Variants in SLC24A4 observed in about 807,000 individuals in gnomAD.
The protein encoded by SLC24A4 is sodium/potassium/calcium exchanger 4.
In SLC24A4, 53 loss-of-function variants were observed where a neutral mutation model predicts 79.0. The observed-to-expected ratio is 0.67, with a 90% CI of 0.54 to 0.84. The LOEUF (loss-of-function observed/expected upper bound fraction) is 0.84, where lower values mean the gene tolerates loss of function less well. SLC24A4 is among the 40% of genes least tolerant of loss of function. The probability of loss-of-function intolerance (pLI) is 0.00; values close to 1 mark genes in which losing one functional copy is unlikely to be tolerated. For missense variants in SLC24A4, 731 were observed against 822.0 expected, an observed-to-expected ratio of 0.89 and a Z score of 1.35; for synonymous variants, 323 against 323.8, an observed-to-expected ratio of 1.00 and a Z score of 0.03.
At chr14:92,385,236 G>A (rs1237355685) in intron 2 of SLC24A4, among the ~76,000 whole-genome samples, 2 of 152,190 alleles carry the variant, frequency 1.3e-5, no homozygotes, top group Non-Finnish European at 2.9e-5. Context: ...GCCAGGCGCG[G>A]TGGCTCATGC....
rs1226248147 is a variant in SLC24A4 at position 92,490,194 on chromosome 14, G to A, written c.1538-1471G>A. 6.6e-6 allele frequency among the ~76,000 whole-genome samples: 1 copy of A among 152,222 alleles called. No individual in the cohort carries two copies. Among genetic ancestry groups the A allele is most frequent in the African/African-American group, 2.4e-5 (1 of 41,442 alleles). On this transcript the variant is annotated intron_variant, in intron 14 of 16. Coordinates refer to ENST00000532405, the MANE Select transcript of SLC24A4 (RefSeq NM_153646.4). This position sits in a 1 kb window ranked among gnomAD's most constrained non-coding sequence, Gnocchi z 4.3. The stretch of plus-strand genomic sequence containing the variant: ...GTGCCAGCTACCAAAGCAATGTTGT[G>A]GTTCTAGGCATGTGCGTTTCAGGTT...
rs1566769544 is a variant in SLC24A4, at chr14:92,442,739, G to A, written c.505G>A (p.Gly169Arg). The change falls in exon 6 of 17, where the codon GGG becomes AGG. Residue 169 changes from glycine (G) to arginine (R), a missense_variant. Transcript: ENST00000532405. ...GGTGTTCATCACCCATGGGGACGTC[G>A]GGGTGGGCACCATCGTGGGCTCTGC... is the stretch of plus-strand genomic sequence containing the variant. ...IGVFITHGDV[G>R]VGTIVGSAVF... 2 of 1,614,026 alleles carry A rather than the reference G, an allele frequency of 1.2e-6. No homozygotes were observed. Among genetic ancestry groups the A allele is most frequent in the South Asian group, 1.1e-5 (1 of 91,076 alleles).
chr14:92,420,646 A>C (rs1891224873), intron 2 of SLC24A4, among the ~76,000 whole-genome samples: 1 of 152,220 alleles, frequency 6.6e-6, no homozygotes, highest in Non-Finnish European at 1.5e-5. Flanking sequence ...TCACAATGTC[A>C]AGGTGCGTCC....
chr14:92,454,115 G>A (rs777032181), intron 11 of SLC24A4, 46 bp downstream of exon 11: 2 of 1,580,980 alleles, frequency 1.3e-6, no homozygotes, highest in Non-Finnish European at 1.7e-6. Flanking sequence ...CTTGGATGCA[G>A]GAGGCCTTGG....
chr14:92,460,452 G>A (rs1595320596), intron 12 of SLC24A4, among the ~76,000 whole-genome samples: 2 of 152,344 alleles, frequency 1.3e-5, no homozygotes, highest in Admixed American at 6.5e-5. Flanking sequence ...TGGGACTACA[G>A]TGTTCTAGAA....
intron 2 of SLC24A4, among the ~76,000 whole-genome samples, chr14:92,359,513 C>A (rs540641947): frequency 6.6e-6 from 1 of 151,954 alleles, no homozygotes. Flanking sequence ...GCAGGAGAAT[C>A]GCGTGAACCT....
At chr14:92,379,207 G>A (rs539247940) in intron 2 of SLC24A4, among the ~76,000 whole-genome samples, 2 of 152,296 alleles carry the variant, frequency 1.3e-5, no homozygotes, top group South Asian at 4.1e-4. Flanking sequence ...AGTGAGAGGT[G>A]GGGGATGACC....
chr14:92,378,767 G>A (rs1035575823), intron 2 of SLC24A4, among the ~76,000 whole-genome samples: 1 of 152,190 alleles, frequency 6.6e-6, no homozygotes, highest in Non-Finnish European at 1.5e-5. Flanking sequence ...GAAACAAAAT[G>A]AGCCAGGCAC....
intron 12 of SLC24A4, among the ~76,000 whole-genome samples, chr14:92,476,261 G>A (rs1894758184): frequency 6.6e-6 from 1 of 152,148 alleles, no homozygotes; most frequent in Admixed American, 6.5e-5. Context: ...TAGATGAGTT[G>A]GGATGTGGAC....
chr14:92,421,016 A>G (rs12147409), intron 2 of SLC24A4, among the ~76,000 whole-genome samples: 1 of 151,706 alleles, frequency 6.6e-6, no homozygotes, highest in Admixed American at 6.6e-5. Context: ...TCTGGAGATG[A>G]GCTCACCTTC....
chr14:92,359,897 AAC>A (rs889170032), intron 2 of SLC24A4, among the ~76,000 whole-genome samples: 1 of 152,208 alleles, frequency 6.6e-6, no homozygotes, highest in Non-Finnish European at 1.5e-5. Flanking sequence ...GAGTTATAGT[AAC>A]ACACACACAC....
intron 2 of SLC24A4, among the ~76,000 whole-genome samples, chr14:92,359,732 GC>G (rs1298449019): frequency 6.6e-6 from 1 of 152,150 alleles, no homozygotes; most frequent in African/African-American, 2.4e-5. Context: ...GCATTGCCAG[GC>G]CCCCAGGAGC....
At chr14:92,410,428 C>T (rs1890645890) in intron 2 of SLC24A4, among the ~76,000 whole-genome samples, 1 of 152,192 alleles carries the variant, frequency 6.6e-6, no homozygotes, top group Non-Finnish European at 1.5e-5. Context: ...GATCCTCTCA[C>T]CTTGGCCTCC....
chr14:92,449,680 G>A (rs1295601753), intron 10 of SLC24A4, among the ~76,000 whole-genome samples: 1 of 152,182 alleles, frequency 6.6e-6, no homozygotes, highest in Non-Finnish European at 1.5e-5. Flanking sequence ...ACAAAGCATG[G>A]GTTCTCGGGC....
intron 2 of SLC24A4, among the ~76,000 whole-genome samples, chr14:92,400,778 T>C (rs1487611171): frequency 6.6e-6 from 1 of 152,244 alleles, no homozygotes; most frequent in Admixed American, 6.5e-5. Flanking sequence ...TCCCCTGTTA[T>C]CTTTGCCTTT....
chr14:92,479,731 G>A (rs1186953835), intron 12 of SLC24A4, among the ~76,000 whole-genome samples: 3 of 152,142 alleles, frequency 2.0e-5, no homozygotes, highest in Admixed American at 2.0e-4. Flanking sequence ...AGAATAAATT[G>A]GGAAGTGCTC....
chr14:92,380,387 T>A (rs1406575180), intron 2 of SLC24A4, among the ~76,000 whole-genome samples: 1 of 152,218 alleles, frequency 6.6e-6, no homozygotes, highest in Non-Finnish European at 1.5e-5. Context: ...CGTGGCCGCA[T>A]TCCTGGCTTC....
At chr14:92,405,526 G>C (rs115297141) in intron 2 of SLC24A4, among the ~76,000 whole-genome samples, 2,796 of 152,252 alleles carry the variant, frequency 0.018, 108 homozygotes, top group African/African-American at 0.061. Context: ...CTGAGACTGG[G>C]TAATTTTTGA....
chr14:92,492,128 G>A, intron 15 of SLC24A4, 47 bp from the exon 16 acceptor site: 2 of 1,568,796 alleles, frequency 1.3e-6, no homozygotes, highest in Non-Finnish European at 1.8e-6. Flanking sequence ...GGATGGATTG[G>A]CTCTGAGCAG....
Sources: gnomAD v4.1 joint callset for allele counts (sites outside exome capture counted in the v4.1 genomes callset) on GRCh38, gnomAD v4.1.1 for gene constraint, Gnocchi (gnomAD v3.1) non-coding constraint, MANE v1.5 for transcripts, NCBI Gene and HGNC (gene_info 2026-07-23, HGNC 2026-07-21) for gene names.